Variants in CNTN4 observed in about 807,000 individuals in gnomAD.
CNTN4 encodes the protein contactin 4.
Under a neutral mutation model 122.5 loss-of-function variants are expected in CNTN4, and 77 were observed. The observed-to-expected ratio is 0.63, with a 90% CI of 0.52 to 0.76. The LOEUF is 0.76. CNTN4 is among the 30% of genes least tolerant of loss of function. The pLI is 0.00. For synonymous variants in CNTN4, 512 were observed against 447.0 expected (o/e 1.15, Z -1.83); for missense variants, 1,256 against 1,259.1 (o/e 1.00, Z 0.04).
intron 3 of CNTN4, among the ~76,000 whole-genome samples, chr3:2,559,878 G>T (rs1183562217): frequency 6.6e-6 from 1 of 152,186 alleles, no homozygotes; most frequent in Non-Finnish European, 1.5e-5. Context: ...AAGAATGCAA[G>T]CTCCATGATA....
At chr3:2,434,648 T>C (rs966696938) in intron 3 of CNTN4, among the ~76,000 whole-genome samples, 4 of 152,198 alleles carry the variant, frequency 2.6e-5, no homozygotes, top group Admixed American at 1.3e-4. Flanking sequence ...TAAAAGGTGA[T>C]GTAATTAGGT....
chr3:2,677,857 C>T (rs1193043111), intron 4 of CNTN4, among the ~76,000 whole-genome samples: 2 of 151,914 alleles, frequency 1.3e-5, no homozygotes, highest in Non-Finnish European at 2.9e-5. Flanking sequence ...AAATGAGAAA[C>T]GGTACAATTT....
Position 2,479,587 on chromosome 3 carries a change from A to G in CNTN4, c.-88-91829A>G, listed in dbSNP as rs569624369. On this transcript the variant is annotated intron_variant, in intron 3 of 24. Transcript: ENST00000418658. ...TTACGCGATGCCCGGGAAGATTGTA[A>G]CCCCATAGTACTCAACCAGTGAGGA... 3.9e-5 allele frequency among the ~76,000 whole-genome samples: 6 copies of G among 152,256 alleles called. No homozygotes were observed. In the South Asian group the frequency reaches 1.2e-3, roughly 32 times the overall value.
At chr3:2,592,283 C>T (rs567086271) in intron 4 of CNTN4, among the ~76,000 whole-genome samples, 24 of 152,202 alleles carry the variant, frequency 1.6e-4, no homozygotes, top group African/African-American at 5.5e-4. Flanking sequence ...TGAATATCTT[C>T]GAGACCTGTA....
At chr3:2,706,354 CA>C (rs1295279777) in intron 4 of CNTN4, among the ~76,000 whole-genome samples, 2 of 151,998 alleles carry the variant, frequency 1.3e-5, no homozygotes, top group African/African-American at 2.4e-5. Context: ...AGCATGATTA[CA>C]TAAGGAAAAA....
At chr3:2,451,940 A>G (rs1288045861) in intron 3 of CNTN4, among the ~76,000 whole-genome samples, 1 of 152,102 alleles carries the variant, frequency 6.6e-6, no homozygotes, top group African/African-American at 2.4e-5. Flanking sequence ...TTAAATCTCT[A>G]TTTTACATAA....
intron 3 of CNTN4, among the ~76,000 whole-genome samples, chr3:2,468,220 TAACA>T (rs2075569076): frequency 6.6e-6 from 1 of 151,872 alleles, no homozygotes; most frequent in Admixed American, 6.6e-5. Flanking sequence ...AATAAAGAAA[TAACA>T]AACAATTTTA....
intron 7 of CNTN4, among the ~76,000 whole-genome samples, chr3:2,828,801 C>T (rs1432018807): frequency 6.6e-6 from 1 of 152,120 alleles, no homozygotes; most frequent in Non-Finnish European, 1.5e-5. Flanking sequence ...AGTGCAGTGG[C>T]ACGATCATGG....
chr3:2,816,076 C>T lies in CNTN4; in HGVS notation c.359-3410C>T, dbSNP rs146188041. Among the ~76,000 whole-genome samples the T allele has an allele frequency of 4.3e-3, 648 of 152,030 alleles. 6 individuals are homozygous for T. The highest frequency in any genetic ancestry group is 0.015 in the African/African-American group (625 of 41,360). On this transcript the variant is annotated intron_variant, in intron 6 of 24. Coordinates refer to ENST00000418658, the MANE Select transcript of CNTN4 (RefSeq NM_175607.3). ...AGGCATAAAAATGATACAATGAGGC[C>T]GGATACAGTGGCTCACACCTGTAAT...
chr3:2,946,828 C>T (rs149616655), intron 13 of CNTN4, among the ~76,000 whole-genome samples: 1 of 151,854 alleles, frequency 6.6e-6, no homozygotes, highest in African/African-American at 2.4e-5. Flanking sequence ...CTTCTTAGCC[C>T]CCATGTAGCT....
At chr3:2,233,722 G>T (rs577324411) in intron 2 of CNTN4, among the ~76,000 whole-genome samples, 1 of 152,072 alleles carries the variant, frequency 6.6e-6, no homozygotes, top group South Asian at 2.1e-4. Context: ...ATTATCTGTT[G>T]CAGGGACATG....
At chr3:2,259,934 C>T (rs372790809) in intron 2 of CNTN4, among the ~76,000 whole-genome samples, 2 of 152,050 alleles carry the variant, frequency 1.3e-5, no homozygotes, top group South Asian at 4.2e-4. Flanking sequence ...GTGTGTGTGT[C>T]CACTGTTGAT....
At chr3:2,387,503 A>G (rs987757657) in intron 3 of CNTN4, among the ~76,000 whole-genome samples, 2 of 152,020 alleles carry the variant, frequency 1.3e-5, no homozygotes, top group Non-Finnish European at 2.9e-5. Flanking sequence ...TTCTTCATTT[A>G]TGCAGTTGGC....
chr3:2,383,628 CCCCTCT>C (rs986161597), intron 3 of CNTN4, among the ~76,000 whole-genome samples: 2 of 151,196 alleles, frequency 1.3e-5, no homozygotes, highest in African/African-American at 2.4e-5. Flanking sequence ...TCCCTCTCTC[CCCCTCT>C]CCCTCTCCGC....
intron 3 of CNTN4, among the ~76,000 whole-genome samples, chr3:2,521,627 GCT>G (rs974769295): frequency 2.6e-5 from 4 of 152,016 alleles, no homozygotes; most frequent in African/African-American, 7.2e-5. Context: ...GTGCAAAAGA[GCT>G]CTTAGTGCAC....
At chr3:2,384,705 A>T (rs2150808554) in intron 3 of CNTN4, among the ~76,000 whole-genome samples, 1 of 152,132 alleles carries the variant, frequency 6.6e-6, no homozygotes, top group South Asian at 2.1e-4. Context: ...CTATTCAGGC[A>T]GCTCTCACAT....
intron 14 of CNTN4, among the ~76,000 whole-genome samples, chr3:3,014,368 C>T (rs1391260843): frequency 6.6e-6 from 1 of 152,078 alleles, no homozygotes; most frequent in African/African-American, 2.4e-5. Flanking sequence ...CTTTGGGTCA[C>T]GTCAGAACTC....
Position 2,600,897 on chromosome 3 carries a change from C to G in CNTN4, c.55+29339C>G, listed in dbSNP as rs866154657. 1.4e-4 allele frequency among the ~76,000 whole-genome samples: 22 copies of G among 152,232 alleles called. 1 individual carries two copies. Among genetic ancestry groups the G allele is most frequent in the South Asian group, 1.2e-3 (6 of 4,818 alleles). On this transcript the variant is annotated intron_variant, in intron 4 of 24. Coordinates refer to ENST00000418658, the MANE Select transcript of CNTN4 (RefSeq NM_175607.3). ...GGCTTTTTAATGATCCCCATTCTAA[C>G]TGGTGTGAGATGGTATCTCATTGTG...
In CNTN4 at chr3:2,194,032, A is replaced by G. The variant is rs1010925228; in HGVS notation, c.-145+93393A>G. On this transcript the variant is annotated intron_variant, in intron 2 of 24. Transcript: ENST00000418658. Reference sequence around the variant, plus strand: ...GTGATGTGTGACTCTTTTCAGTTCAATGAAGTTAGTAACTGTACTATGGGT... The same window carrying G: ...GTGATGTGTGACTCTTTTCAGTTCAGTGAAGTTAGTAACTGTACTATGGGT... 2.0e-5 allele frequency among the ~76,000 whole-genome samples: 3 copies of G among 152,330 alleles called. No individual in the cohort carries two copies. In the East Asian group the frequency reaches 5.8e-4, roughly 29 times the overall value.
Sources: gnomAD v4.1 joint callset for allele counts (sites outside exome capture counted in the v4.1 genomes callset) on GRCh38, gnomAD v4.1.1 for gene constraint, MANE v1.5 for transcripts, NCBI Gene and HGNC (gene_info 2026-07-23, HGNC 2026-07-21) for gene names.